NELL2: variants seen among roughly 807,000 people sequenced by gnomAD.
The protein encoded by NELL2 is protein kinase C-binding protein NELL2.
Under a neutral mutation model 109.6 loss-of-function variants are expected in NELL2, and 41 were observed. The observed-to-expected ratio is 0.37, with a 90% CI of 0.29 to 0.49. The LOEUF is 0.49. Among genes scored for constraint, NELL2 ranks in the 20% least tolerant of loss-of-function variants. NELL2 has a pLI of 0.98. For missense variants in NELL2, 900 were observed against 1,008.3 expected (o/e 0.89, Z 1.45); for synonymous variants, 355 against 344.7 (o/e 1.03, Z -0.33).
intron 2 of NELL2, among the ~76,000 whole-genome samples, chr12:44,826,244 C>T (rs532624541): frequency 6.6e-5 from 10 of 152,034 alleles, no homozygotes; most frequent in Non-Finnish European, 1.0e-4. Flanking sequence ...TATAACCAGA[C>T]TAATAAAAAT....
At chr12:44,610,822 G>A in intron 14 of NELL2, 26 bp downstream of exon 14, 1 of 1,612,506 alleles carries the variant, frequency 6.2e-7, no homozygotes, top group Admixed American at 1.7e-5. Context: ...CATAATGGAA[G>A]AGGCACTGGC....
intron 3 of NELL2, among the ~76,000 whole-genome samples, chr12:44,794,054 C>T (rs773715926): frequency 6.6e-6 from 1 of 152,192 alleles, no homozygotes; most frequent in African/African-American, 2.4e-5. Flanking sequence ...CTGGCTCCCC[C>T]CGTTGTCCCC....
intron 13 of NELL2, among the ~76,000 whole-genome samples, chr12:44,627,690 C>T (rs1946315547): frequency 1.3e-5 from 2 of 152,020 alleles, no homozygotes; most frequent in Non-Finnish European, 2.9e-5. Flanking sequence ...ATAACTTGTT[C>T]CCCTTTCTTA....
chr12:44,521,555 G>C (rs908261017), intron 18 of NELL2, among the ~76,000 whole-genome samples: 5 of 143,862 alleles, frequency 3.5e-5, no homozygotes, highest in African/African-American at 1.1e-4. Context: ...AGGTTGCGGT[G>C]GTGGGGGAGG....
At chr12:44,689,771 G>A (rs2136392573) in intron 12 of NELL2, among the ~76,000 whole-genome samples, 1 of 152,242 alleles carries the variant, frequency 6.6e-6, no homozygotes, top group Middle Eastern at 3.4e-3. Context: ...TGGCACAGGT[G>A]TACTACTGGC....
chr12:44,708,314 C>T (rs565197965), intron 11 of NELL2, among the ~76,000 whole-genome samples: 3 of 152,162 alleles, frequency 2.0e-5, no homozygotes, highest in Non-Finnish European at 4.4e-5. Context: ...TGATTTAGCG[C>T]CTACCAATTT....
chr12:44,571,223 G>A (rs923937936), intron 15 of NELL2, among the ~76,000 whole-genome samples: 1 of 152,220 alleles, frequency 6.6e-6, no homozygotes, highest in East Asian at 1.9e-4. Context: ...AGTAGTAAAT[G>A]GGGCAATCGT....
At chr12:44,528,127 A>AG (rs1941886971) in intron 16 of NELL2, among the ~76,000 whole-genome samples, 3 of 144,526 alleles carry the variant, frequency 2.1e-5, no homozygotes, top group Non-Finnish European at 3.1e-5. Flanking sequence ...AAAAAAAAAA[A>AG]GAATCCTTCA....
intron 9 of NELL2, among the ~76,000 whole-genome samples, chr12:44,715,961 T>G (rs1440823220): frequency 2.0e-5 from 3 of 152,054 alleles, no homozygotes; most frequent in African/African-American, 4.8e-5. Flanking sequence ...CTTTTAAATT[T>G]TATTATTTAT....
chr12:44,612,743 T>C (rs553902314), intron 13 of NELL2, among the ~76,000 whole-genome samples: 10 of 152,120 alleles, frequency 6.6e-5, no homozygotes, highest in Non-Finnish European at 7.4e-5. Flanking sequence ...AGTTAATCTA[T>C]AAATCTCTAT....
chr12:44,917,816 T>TTACAGA (rs1945839695), upstream of NELL2, among the ~76,000 whole-genome samples: 1 of 152,168 alleles, frequency 6.6e-6, no homozygotes, highest in Admixed American at 6.5e-5. Flanking sequence ...GAAGCTCATG[T>TTACAGA]GGCAAGTAAC....
At chr12:44,690,187 T>G (rs1320326964) in intron 12 of NELL2, among the ~76,000 whole-genome samples, 1 of 152,188 alleles carries the variant, frequency 6.6e-6, no homozygotes, top group Non-Finnish European at 1.5e-5. Flanking sequence ...CAGGTGGTTT[T>G]GATGCAGCCT....
At chr12:44,796,351 T>G (rs1566417027) in intron 3 of NELL2, among the ~76,000 whole-genome samples, 2 of 152,266 alleles carry the variant, frequency 1.3e-5, no homozygotes, top group East Asian at 1.9e-4. Context: ...TGCTTAAATC[T>G]CATCTATGAT....
At chr12:44,639,482 T>C (rs1412310220) in intron 13 of NELL2, among the ~76,000 whole-genome samples, 1 of 152,198 alleles carries the variant, frequency 6.6e-6, no homozygotes, top group East Asian at 1.9e-4. Context: ...AGTTCCTTCA[T>C]TGTCAATTCC....
chr12:44,567,755 T>C (rs772742101), intron 15 of NELL2, among the ~76,000 whole-genome samples: 7 of 152,156 alleles, frequency 4.6e-5, no homozygotes, highest in Non-Finnish European at 1.0e-4. Flanking sequence ...TTACCTTAGG[T>C]ATAGAAATGT....
intron 9 of NELL2, among the ~76,000 whole-genome samples, chr12:44,743,195 C>T (rs1258728233): frequency 6.6e-6 from 1 of 152,106 alleles, no homozygotes; most frequent in Non-Finnish European, 1.5e-5. Context: ...CATATCCACC[C>T]AAACTAAGCT....
chr12:44,719,063 A>G (rs987220810), intron 9 of NELL2, among the ~76,000 whole-genome samples: 2 of 152,200 alleles, frequency 1.3e-5, no homozygotes, highest in African/African-American at 4.8e-5. Flanking sequence ...CACTAGCATC[A>G]TAATTATGAT....
intron 1 of NELL2, among the ~76,000 whole-genome samples, chr12:44,893,681 GC>G (rs2136872255): frequency 6.6e-6 from 1 of 152,194 alleles, no homozygotes; most frequent in East Asian, 1.9e-4. Flanking sequence ...GTGTTCCTGT[GC>G]CCAGTACCGA....
chr12:44,898,140 T>G (rs1302136302), intron 1 of NELL2, among the ~76,000 whole-genome samples: 1 of 152,150 alleles, frequency 6.6e-6, no homozygotes, highest in Non-Finnish European at 1.5e-5. Flanking sequence ...CCCATCTCCC[T>G]GGGACAGAGC....
Sources: allele counts gnomAD v4.1 joint callset (sites outside exome capture counted in the v4.1 genomes callset), GRCh38; gene constraint gnomAD v4.1.1; transcripts MANE v1.5; gene names NCBI Gene and HGNC (gene_info 2026-07-23, HGNC 2026-07-21).